MECOM: variants seen among roughly 807,000 people sequenced by gnomAD.
MECOM encodes histone-lysine N-methyltransferase MECOM.
MECOM carries 13 observed loss-of-function variants against 116.3 expected under a neutral mutation model. The ratio of observed to expected loss-of-function variants is 0.11; its 90% CI spans 0.07 to 0.18. MECOM has a LOEUF of 0.18. Among genes scored for constraint, MECOM ranks in the 10% least tolerant of loss-of-function variants. MECOM has a pLI of 1.00. For missense variants in MECOM, 1,299 were observed against 1,509.0 expected, an observed-to-expected ratio of 0.86 and a Z score of 2.31; for synonymous variants, 528 against 535.2, an observed-to-expected ratio of 0.99 and a Z score of 0.19.
chr3:169,310,065 T>A (rs560803077), intron 2 of MECOM, among the ~76,000 whole-genome samples: 157 of 152,348 alleles, frequency 1.0e-3, no homozygotes, highest in African/African-American at 3.6e-3. Flanking sequence ...TAATACCCAG[T>A]GTTCCTTAAC....
At chr3:169,165,026 G>C (rs767432403) in intron 2 of MECOM, among the ~76,000 whole-genome samples, 6 of 152,130 alleles carry the variant, frequency 3.9e-5, no homozygotes, top group African/African-American at 7.2e-5. Flanking sequence ...GGTTTTCACA[G>C]GAAATAAATT....
In MECOM at chr3:169,128,182, A is replaced by T. The variant is rs1337592940; in HGVS notation, c.614-122T>A. Reference sequence around the variant, plus strand: ...TTTGATTGTCATTTCTATCTTGTCAATTTTAATCTGGATTAGAAATATCAT... The same window carrying T: ...TTTGATTGTCATTTCTATCTTGTCATTTTTAATCTGGATTAGAAATATCAT... On this transcript the variant is annotated intron_variant, in intron 4 of 16. Transcript: ENST00000651503. The T allele has an allele frequency of 4.9e-6, 4 of 811,982 alleles. No individual in the cohort carries two copies. The African/African-American group carries it at 6.9e-5, about 14-fold the overall frequency. 50.3% of individuals were successfully genotyped at this position (811,982 alleles called of 1,614,324 possible). A position where few individuals can be genotyped will look rare whatever the true frequency, so the allele number is the denominator to read the frequency against.
intron 2 of MECOM, among the ~76,000 whole-genome samples, chr3:169,313,946 A>T (rs568308489): frequency 3.9e-5 from 6 of 152,338 alleles, no homozygotes; most frequent in African/African-American, 1.4e-4. Context: ...CAAGAAACAG[A>T]CTTCCATTTT....
chr3:169,137,983 T>TGTTC (rs949210974), intron 3 of MECOM, among the ~76,000 whole-genome samples: 1 of 152,074 alleles, frequency 6.6e-6, no homozygotes, highest in African/African-American at 2.4e-5. Flanking sequence ...TCTGACTGTA[T>TGTTC]AAAAACTGAT....
chr3:169,273,546 G>A (rs932647648), intron 2 of MECOM, among the ~76,000 whole-genome samples: 14 of 152,124 alleles, frequency 9.2e-5, no homozygotes, highest in African/African-American at 2.9e-4. Context: ...TGTTTTCTGC[G>A]CATCCTGGTT....
chr3:169,504,748 G>T (rs1754989303), intron 1 of MECOM, among the ~76,000 whole-genome samples: 1 of 152,118 alleles, frequency 6.6e-6, no homozygotes, highest in Admixed American at 6.5e-5. Flanking sequence ...TTCAGGGTGG[G>T]ATGTGATTTT....
intron 2 of MECOM, among the ~76,000 whole-genome samples, chr3:169,367,895 T>C (rs968986683): frequency 6.6e-6 from 1 of 152,050 alleles, no homozygotes; most frequent in African/African-American, 2.4e-5. Flanking sequence ...TTAGGTCATG[T>C]GGACCCAGCT....
At chr3:169,460,616 G>A (rs778038001) in intron 1 of MECOM, among the ~76,000 whole-genome samples, 11 of 152,238 alleles carry the variant, frequency 7.2e-5, no homozygotes, top group Middle Eastern at 3.4e-3. Context: ...ACAAGAATAC[G>A]TTATCTGAAA....
chr3:169,090,084 G>A lies in MECOM; in HGVS notation c.3317C>T (p.Thr1106Ile). 1 of 1,613,542 alleles carries A rather than the reference G, an allele frequency of 6.2e-7. No homozygotes were observed. Among genetic ancestry groups the A allele is most frequent in the Non-Finnish European group, 8.5e-7 (1 of 1,179,656 alleles). The change falls in exon 15 of 17, where the codon ACA (threonine) becomes ATA (isoleucine). Residue 1106 changes from threonine to isoleucine, a missense_variant. By Grantham distance (89) the Thr-to-Ile change is moderately conservative (BLOSUM62 -1). This residue lies in a region of MECOM where 273 missense variants were observed against 289.3 expected (regional missense o/e 0.94). Transcript: ENST00000651503. ...ITGKTGKEPVTSNLHEGNPED... is the reference protein window; with the variant it reads ...ITGKTGKEPVISNLHEGNPED... ...AGGGTTTCCTTCATGTAAATTACTTGTCACTGGTTCCTTTCCTGTTTTTCC... is the reference window on the plus strand; with the variant it reads ...AGGGTTTCCTTCATGTAAATTACTTATCACTGGTTCCTTTCCTGTTTTTCC...
At chr3:169,519,185 T>G (rs1164496538) in intron 1 of MECOM, among the ~76,000 whole-genome samples, 1 of 152,202 alleles carries the variant, frequency 6.6e-6, no homozygotes, top group Non-Finnish European at 1.5e-5. Flanking sequence ...ATTTGTCCAG[T>G]TTGAAAAACA....
At chr3:169,149,077 C>CTTTTTTTTTT (rs60870748) in intron 2 of MECOM, among the ~76,000 whole-genome samples, 2 of 115,118 alleles carry the variant, frequency 1.7e-5, no homozygotes, top group African/African-American at 6.2e-5. Flanking sequence ...TCGGAGCTTT[C>CTTTTTTTTTT]TTTTTTTTTT....
chr3:169,393,183 A>G (rs1450826656), intron 1 of MECOM, among the ~76,000 whole-genome samples: 1 of 152,136 alleles, frequency 6.6e-6, no homozygotes, highest in Non-Finnish European at 1.5e-5. Flanking sequence ...TTCCAGCTAG[A>G]ATTGAAAGTT....
At chr3:169,267,544 G>C (rs1175494490) in intron 2 of MECOM, among the ~76,000 whole-genome samples, 2 of 152,122 alleles carry the variant, frequency 1.3e-5, no homozygotes, top group East Asian at 3.9e-4. Context: ...GGCTGAGGGG[G>C]TGGGCAGTAG....
At position 169,402,693 on chromosome 3, in the gene MECOM, C is replaced by T. The variant is rs74799826; in HGVS notation, c.38-21169G>A. 2.8e-3 allele frequency among the ~76,000 whole-genome samples: 422 copies of T among 152,156 alleles called. 13 individuals are homozygous for T. In the East Asian group the frequency reaches 0.051, roughly 18 times the overall value. On this transcript the variant is annotated intron_variant, in intron 1 of 16. Transcript: ENST00000651503. ...AAACCAGGTAAGACATTAGAGGACA[C>T]CTTCACTAGATCGTGCAGACTCTTA... is the stretch of plus-strand genomic sequence containing the variant.
chr3:169,537,446 C>T (rs574695587), intron 1 of MECOM, among the ~76,000 whole-genome samples: 6 of 152,140 alleles, frequency 3.9e-5, no homozygotes, highest in Non-Finnish European at 4.4e-5. Flanking sequence ...GATTATACAC[C>T]GGCCCAGATA....
At chr3:169,653,597 GA>G (rs148988605) in intron 1 of MECOM, among the ~76,000 whole-genome samples, 4,357 of 152,212 alleles carry the variant, frequency 0.029, 190 homozygotes, top group African/African-American at 0.096. Flanking sequence ...TTGGATGGTA[GA>G]AACACAAGAG....
intron 2 of MECOM, among the ~76,000 whole-genome samples, chr3:169,251,807 G>A (rs1384939213): frequency 6.6e-6 from 1 of 152,124 alleles, no homozygotes; most frequent in Non-Finnish European, 1.5e-5. Flanking sequence ...AAGCCCCGTC[G>A]ACTGTGGAAG....
At chr3:169,149,625 G>GA in intron 2 of MECOM, 1 of 471,106 alleles carries the variant, frequency 2.1e-6, no homozygotes, top group Non-Finnish European at 4.3e-6. Context: ...TCCGAGCTAC[G>GA]AGAGGAAGGC....
intron 1 of MECOM, among the ~76,000 whole-genome samples, chr3:169,393,994 C>T (rs1734636843): frequency 6.6e-6 from 1 of 152,078 alleles, no homozygotes; most frequent in Non-Finnish European, 1.5e-5. Flanking sequence ...TGTTATAATT[C>T]TATCAAAAGC....
Sources: allele counts gnomAD v4.1 joint callset (sites outside exome capture counted in the v4.1 genomes callset), GRCh38; gene constraint gnomAD v4.1.1; regional missense constraint gnomAD v4.1.1; transcripts MANE v1.5; gene names NCBI Gene and HGNC (gene_info 2026-07-23, HGNC 2026-07-21).